PPIG: variants seen among roughly 807,000 people sequenced by gnomAD.
PPIG encodes the protein peptidyl-prolyl cis-trans isomerase G.
In PPIG, 26 loss-of-function variants were observed where a neutral mutation model predicts 87.9. The observed-to-expected ratio is 0.30, with a 90% CI of 0.22 to 0.41. PPIG has a LOEUF of 0.41. Among genes scored for constraint, PPIG ranks in the 10% least tolerant of loss-of-function variants. The pLI is 1.00. For missense variants in PPIG, 722 were observed against 879.4 expected (o/e 0.82, Z 2.26); for synonymous variants, 308 against 276.5 (o/e 1.11, Z -1.13).
intron 1 of PPIG, among the ~76,000 whole-genome samples, chr2:169,590,641 T>A (rs557202478): frequency 1.3e-5 from 2 of 152,128 alleles, no homozygotes; most frequent in Non-Finnish European, 2.9e-5. Context: ...AGGCTCCCTC[T>A]CAGAAAAACA....
In PPIG at chr2:169,633,255, A is replaced by T. The variant is rs760311627; in HGVS notation, c.1017+8A>T. ...AAAGGAAGAGGACCAAGGGTAGGTG[A>T]TTCTTTCCCCAGAGATCTTCACAAT... is the stretch of plus-strand genomic sequence containing the variant. On this transcript the variant is annotated splice_region_variant and intron_variant, in intron 12 of 13. Coordinates refer to ENST00000260970, the MANE Select transcript of PPIG (RefSeq NM_004792.3). 1 of 1,555,180 alleles carries T rather than the reference A, an allele frequency of 6.4e-7. No homozygotes were observed. Among genetic ancestry groups the T allele is most frequent in the Non-Finnish European group, 8.9e-7 (1 of 1,127,896 alleles).
intron 1 of PPIG, among the ~76,000 whole-genome samples, chr2:169,595,517 C>T (rs1012756597): frequency 6.6e-6 from 1 of 152,110 alleles, no homozygotes; most frequent in East Asian, 1.9e-4. Context: ...TGATTCTTAA[C>T]TATTTTTTTG....
chr2:169,603,969 T>C (rs1212623838), intron 2 of PPIG, 57 bp from the exon 3 acceptor site: 2 of 1,365,210 alleles, frequency 1.5e-6, no homozygotes, highest in African/African-American at 2.9e-5. Flanking sequence ...TTCCAGAAAT[T>C]TGTGAAAGAT....
At chr2:169,599,869 T>G (rs1485708802) in intron 1 of PPIG, among the ~76,000 whole-genome samples, 2 of 152,168 alleles carry the variant, frequency 1.3e-5, no homozygotes, top group African/African-American at 4.8e-5. Context: ...ACTATGACAA[T>G]GTATTTTCCC....
At chr2:169,585,293 G>T (rs1684671100) in intron 1 of PPIG, among the ~76,000 whole-genome samples, 1 of 77,208 alleles carries the variant, frequency 1.3e-5, no homozygotes, top group African/African-American at 4.6e-5. Flanking sequence ...ACGGAGTCTC[G>T]CTCTGTCGCC....
intron 7 of PPIG, among the ~76,000 whole-genome samples, chr2:169,611,715 C>T (rs778002937): frequency 2.7e-4 from 41 of 152,076 alleles, no homozygotes; most frequent in Non-Finnish European, 5.6e-4. Context: ...AAAATCTTTC[C>T]TGCACTAACC....
rs1685353960 is a variant in PPIG, at chr2:169,607,106, A to G, written c.247A>G (p.Asn83Asp). The change falls in exon 6 of 14, where the codon AAT (asparagine) becomes GAT (aspartate). Residue 83 changes from asparagine (N) to aspartate (D), a missense_variant and splice_region_variant. Physicochemically the swap from Asn to Asp is conservative, Grantham distance 23. This residue lies in a region of PPIG where 99 missense variants were observed against 215.8 expected (regional missense o/e 0.46). Transcript: ENST00000260970. ...MVQGGDFSEGNGRGGESIYGG... is the reference protein window; with the variant it reads ...MVQGGDFSEGDGRGGESIYGG... Reference sequence around the variant, plus strand: ...AAGAGTATGTTTTTCATTTTTAGGAAATGGACGAGGAGGGGAATCTATCTA... The same window carrying G: ...AAGAGTATGTTTTTCATTTTTAGGAGATGGACGAGGAGGGGAATCTATCTA... 2 of 1,568,022 alleles carry G rather than the reference A, an allele frequency of 1.3e-6. No homozygotes were observed. The highest frequency in any genetic ancestry group is 1.7e-6 in the Non-Finnish European group (2 of 1,143,060).
chr2:169,627,528 T>C (rs1360659608), intron 9 of PPIG, among the ~76,000 whole-genome samples: 1 of 152,038 alleles, frequency 6.6e-6, no homozygotes, highest in Admixed American at 6.6e-5. Flanking sequence ...GTATGGTGTT[T>C]TGTTGTTGTT....
At chr2:169,615,262 T>G (rs1279103844) in intron 9 of PPIG, among the ~76,000 whole-genome samples, 1 of 152,198 alleles carries the variant, frequency 6.6e-6, no homozygotes, top group African/African-American at 2.4e-5. Context: ...TTGGCCAGGC[T>G]GGTCTCGAAC....
chr2:169,614,027 G>T (rs967680506), intron 7 of PPIG, among the ~76,000 whole-genome samples: 1 of 152,164 alleles, frequency 6.6e-6, no homozygotes, highest in South Asian at 2.1e-4. Flanking sequence ...AATATAGCCC[G>T]TGCTTAACTG....
chr2:169,616,603 G>A (rs964881293), intron 9 of PPIG, among the ~76,000 whole-genome samples: 3 of 152,152 alleles, frequency 2.0e-5, no homozygotes, highest in African/African-American at 7.2e-5. Context: ...CAGTGATGAT[G>A]AGCTTTTTTC....
intron 6 of PPIG, 41 bp from the exon 7 acceptor site, chr2:169,608,630 G>A (rs1374078348): frequency 7.2e-7 from 1 of 1,397,128 alleles, no homozygotes; most frequent in Non-Finnish European, 1.0e-6. Flanking sequence ...TTTTTTGGAG[G>A]TTATATCTAT....
At chr2:169,606,016 G>C in intron 4 of PPIG, 23 bp from the exon 5 acceptor site, 1 of 1,517,490 alleles carries the variant, frequency 6.6e-7, no homozygotes, top group South Asian at 1.1e-5. Flanking sequence ...TCTATTAAAT[G>C]TCCTATTTTT....
intron 12 of PPIG, among the ~76,000 whole-genome samples, chr2:169,633,835 CCTTT>C (rs1558902536): frequency 6.8e-6 from 1 of 146,702 alleles, no homozygotes; most frequent in Non-Finnish European, 1.5e-5. Context: ...TCCACCCCCC[CCTTT>C]TTTTTTTTTG....
intron 9 of PPIG, among the ~76,000 whole-genome samples, chr2:169,619,117 T>C (rs995173597): frequency 1.3e-5 from 2 of 152,166 alleles, no homozygotes; most frequent in African/African-American, 4.8e-5. Context: ...TAAAATAATT[T>C]CGTTATTTAC....
chr2:169,608,589 C>T lies in PPIG; in HGVS notation c.290-82C>T, dbSNP rs1440354062. 4 of 753,936 alleles carry T rather than the reference C, an allele frequency of 5.3e-6. No homozygotes were observed. In the East Asian group the frequency reaches 1.1e-4, roughly 21 times the overall value. The allele number at this position is 753,936 out of a possible 1,614,324, so 46.7% of individuals were successfully genotyped here. ...AAGTTGTGTGTGGCACTAAATAATA[C>T]ATCAGATATGAATAGAAGTGAAGAT... On this transcript the variant is annotated intron_variant, in intron 6 of 13. Coordinates refer to ENST00000260970, the MANE Select transcript of PPIG (RefSeq NM_004792.3).
chr2:169,610,008 TA>T (rs1161051707), intron 7 of PPIG, among the ~76,000 whole-genome samples: 1 of 152,232 alleles, frequency 6.6e-6, no homozygotes, highest in Non-Finnish European at 1.5e-5. Context: ...CAATTCCAAC[TA>T]CAAAAAAAAT....
intron 5 of PPIG, among the ~76,000 whole-genome samples, chr2:169,606,675 A>G (rs1317755500): frequency 1.3e-5 from 2 of 151,776 alleles, no homozygotes; most frequent in East Asian, 3.9e-4. Flanking sequence ...TTCTGGATAC[A>G]AAACAACACT....
At chr2:169,596,616 T>C (rs1488120822) in intron 1 of PPIG, among the ~76,000 whole-genome samples, 1 of 152,140 alleles carries the variant, frequency 6.6e-6, no homozygotes, top group African/African-American at 2.4e-5. Flanking sequence ...ATTGAAGACT[T>C]GAAGGCTCCA....
Sources: gnomAD v4.1 joint callset for allele counts (sites outside exome capture counted in the v4.1 genomes callset) on GRCh38, gnomAD v4.1.1 for gene constraint, gnomAD v4.1.1 regional missense constraint, MANE v1.5 for transcripts, NCBI Gene and HGNC (gene_info 2026-07-23, HGNC 2026-07-21) for gene names.